The following UNC5C variants were observed in gnomAD, a reference collection of about 807,000 sequenced individuals.
The protein encoded by UNC5C is netrin receptor UNC5C.
Under a neutral mutation model 99.8 loss-of-function variants are expected in UNC5C, and 47 were observed. That is an observed-to-expected ratio of 0.47 (90% confidence interval 0.37 to 0.60). The LOEUF (loss-of-function observed/expected upper bound fraction) is 0.60, where lower values mean the gene tolerates loss of function less well. Among genes scored for constraint, UNC5C ranks in the 20% least tolerant of loss-of-function variants. UNC5C has a pLI of 0.00. For synonymous variants in UNC5C, 487 were observed against 452.2 expected, an observed-to-expected ratio of 1.08 and a Z score of -0.98; for missense variants, 1,062 against 1,165.9, an observed-to-expected ratio of 0.91 and a Z score of 1.30.
chr4:95,513,030 G>A (rs1722120914), intron 1 of UNC5C, among the ~76,000 whole-genome samples: 1 of 152,178 alleles, frequency 6.6e-6, no homozygotes, highest in Non-Finnish European at 1.5e-5. Flanking sequence ...TTTCTTGGTA[G>A]CAGTTAGCAT....
intron 1 of UNC5C, among the ~76,000 whole-genome samples, chr4:95,345,056 T>C (rs1299751166): frequency 1.3e-5 from 2 of 151,776 alleles, no homozygotes; most frequent in Admixed American, 1.3e-4. Flanking sequence ...AGTAACTGAA[T>C]GGATTATAAA....
At chr4:95,408,300 A>G (rs1745882389) in intron 1 of UNC5C, among the ~76,000 whole-genome samples, 1 of 152,184 alleles carries the variant, frequency 6.6e-6, no homozygotes, top group Non-Finnish European at 1.5e-5. Flanking sequence ...TGTGAAATGA[A>G]AATACTTCTG....
chr4:95,485,327 A>G (rs2149479465), intron 1 of UNC5C, among the ~76,000 whole-genome samples: 1 of 151,872 alleles, frequency 6.6e-6, no homozygotes, highest in African/African-American at 2.4e-5. Flanking sequence ...AGTTGTCCCA[A>G]ATGTTAAAGA....
intron 3 of UNC5C, among the ~76,000 whole-genome samples, chr4:95,283,041 C>T (rs1161069935): frequency 1.3e-5 from 2 of 152,076 alleles, no homozygotes; most frequent in Non-Finnish European, 2.9e-5. Flanking sequence ...GTATTGTTTT[C>T]TAAGTCCCAA....
intron 4 of UNC5C, among the ~76,000 whole-genome samples, chr4:95,275,533 G>A (rs991207392): frequency 6.6e-6 from 1 of 152,146 alleles, no homozygotes; most frequent in African/African-American, 2.4e-5. Flanking sequence ...TGATGTTTGG[G>A]TTTGAACCTG....
intron 1 of UNC5C, among the ~76,000 whole-genome samples, chr4:95,451,863 C>T (rs1225194139): frequency 6.6e-6 from 1 of 152,072 alleles, no homozygotes; most frequent in African/African-American, 2.4e-5. Context: ...CTATCTTATA[C>T]TATATGTCTT....
chr4:95,180,802 G>A (rs926497375), intron 14 of UNC5C, among the ~76,000 whole-genome samples: 22 of 152,150 alleles, frequency 1.4e-4, no homozygotes, highest in African/African-American at 4.1e-4. Context: ...ACATTGGAAC[G>A]GGAACCCCAG....
intron 1 of UNC5C, among the ~76,000 whole-genome samples, chr4:95,447,180 C>CAT (rs1406610608): frequency 1.3e-5 from 2 of 151,986 alleles, no homozygotes; most frequent in Non-Finnish European, 2.9e-5. Context: ...ATTAGAAATA[C>CAT]ATATATATGT....
chr4:95,524,714 G>A (rs1722454752), intron 1 of UNC5C, among the ~76,000 whole-genome samples: 1 of 152,142 alleles, frequency 6.6e-6, no homozygotes, highest in African/African-American at 2.4e-5. Flanking sequence ...ACTGGAGCTT[G>A]CGACTGCCTG....
chr4:95,212,708 G>A (rs1738114495), intron 10 of UNC5C, among the ~76,000 whole-genome samples: 1 of 152,012 alleles, frequency 6.6e-6, no homozygotes, highest in African/African-American at 2.4e-5. Context: ...CATCCAAACT[G>A]GAATCTGTCC....
chr4:95,469,533 A>G (rs1173749228), intron 1 of UNC5C, among the ~76,000 whole-genome samples: 2 of 152,130 alleles, frequency 1.3e-5, no homozygotes, highest in Non-Finnish European at 2.9e-5. Flanking sequence ...CAAGGTTTTC[A>G]TGCCTGCTAG....
At chr4:95,405,415 A>T (rs1054949519) in intron 1 of UNC5C, among the ~76,000 whole-genome samples, 1 of 152,118 alleles carries the variant, frequency 6.6e-6, no homozygotes, top group Non-Finnish European at 1.5e-5. Flanking sequence ...CTTCCTTTTC[A>T]CTATAAGCTC....
At chr4:95,513,320 A>T (rs1722127675) in intron 1 of UNC5C, among the ~76,000 whole-genome samples, 1 of 152,208 alleles carries the variant, frequency 6.6e-6, no homozygotes, top group South Asian at 2.1e-4. Context: ...TGCCAGGCGC[A>T]CACCAGCCCA....
At chr4:95,349,997 G>T (rs964548178) in intron 1 of UNC5C, among the ~76,000 whole-genome samples, 5 of 152,032 alleles carry the variant, frequency 3.3e-5, no homozygotes, top group African/African-American at 1.2e-4. Context: ...CTTATAAAAA[G>T]AAATCATGAA....
rs374174624 is a variant in UNC5C, at chr4:95,323,518, T to A, written c.346+11892A>T. Reference sequence around the variant, plus strand: ...ATGCCAATAATTAATTAAGCTGAACTAAATGACTGCCATAGTTCTCAAAAC... The same window carrying A: ...ATGCCAATAATTAATTAAGCTGAACAAAATGACTGCCATAGTTCTCAAAAC... On this transcript the variant is annotated intron_variant, in intron 2 of 15. Transcript: ENST00000453304. 3.4e-4 allele frequency among the ~76,000 whole-genome samples: 52 copies of A among 152,218 alleles called. No homozygotes were observed. The Middle Eastern group carries it at 9.5e-3, about 28-fold the overall frequency.
intron 1 of UNC5C, among the ~76,000 whole-genome samples, chr4:95,368,548 CT>C (rs34278686): frequency 6.6e-5 from 10 of 152,094 alleles, no homozygotes; most frequent in Non-Finnish European, 1.2e-4. Context: ...AACCCTGTGA[CT>C]TTTTCAAGAG....
chr4:95,494,420 A>C (rs1721578104), intron 1 of UNC5C, among the ~76,000 whole-genome samples: 1 of 151,472 alleles, frequency 6.6e-6, no homozygotes, highest in Non-Finnish European at 1.5e-5. Context: ...TTGGAAAATT[A>C]GACCAAGAGG....
rs147145943 is a variant in UNC5C at position 95,203,225 on chromosome 4, C to T, written c.1903-261G>A. Among the ~76,000 whole-genome samples, 574 of 152,150 alleles carry T rather than the reference C, an allele frequency of 3.8e-3. 1 individual carries two copies. Among genetic ancestry groups the T allele is most frequent in the Middle Eastern group, 6.8e-3 (2 of 294 alleles). On this transcript the variant is annotated intron_variant, in intron 11 of 15. Coordinates refer to ENST00000453304, the MANE Select transcript of UNC5C (RefSeq NM_003728.4). ...TCTACATTTTCCCTAAAAATCTGTA[C>T]GTGTGAAAAGAATTAGATAAATTAA...
intron 2 of UNC5C, among the ~76,000 whole-genome samples, chr4:95,333,985 A>C (rs1743228657): frequency 6.6e-6 from 1 of 152,046 alleles, no homozygotes; most frequent in Non-Finnish European, 1.5e-5. Context: ...AATTCCCTGA[A>C]GTAAGCTACC....
Sources: allele counts gnomAD v4.1 joint callset (sites outside exome capture counted in the v4.1 genomes callset), GRCh38; gene constraint gnomAD v4.1.1; transcripts MANE v1.5; gene names NCBI Gene and HGNC (gene_info 2026-07-23, HGNC 2026-07-21).